The following SYNJ2 variants were observed in gnomAD, a reference collection of about 807,000 sequenced individuals.
SYNJ2 encodes polyphosphatidylinositol phosphatase SYNJ2.
In SYNJ2, 116 loss-of-function variants were observed where a neutral mutation model predicts 141.3. That is an observed-to-expected ratio of 0.82 (90% CI 0.71 to 0.96). The LOEUF is 0.96. Ranked by LOEUF, SYNJ2 falls within the 40% of genes least tolerant of loss-of-function variation. The probability of loss-of-function intolerance (pLI) is 0.00; values close to 1 mark genes in which losing one functional copy is unlikely to be tolerated. For missense variants in SYNJ2, 1,873 were observed against 1,934.8 expected (o/e 0.97, Z 0.60); for synonymous variants, 745 against 777.7 (o/e 0.96, Z 0.70).
chr6:158,094,920 G>A (rs1439282253), intron 26 of SYNJ2, among the ~76,000 whole-genome samples: 1 of 152,162 alleles, frequency 6.6e-6, no homozygotes, highest in Non-Finnish European at 1.5e-5. Context: ...GGCTGAGGCG[G>A]GTGGATCACC....
chr6:158,068,818 G>T, intron 13 of SYNJ2, 90 bp downstream of exon 13: 1 of 1,424,268 alleles, frequency 7.0e-7, no homozygotes, highest in Non-Finnish European at 9.8e-7. Flanking sequence ...CCGGGAGCCA[G>T]CCTGCTTCTG....
At chr6:158,023,163 T>C (rs576035279) in intron 2 of SYNJ2, among the ~76,000 whole-genome samples, 32 of 150,382 alleles carry the variant, frequency 2.1e-4, no homozygotes, top group African/African-American at 7.4e-4. Flanking sequence ...GAGGCTGACA[T>C]GGGAGGATCG....
intron 12 of SYNJ2, 26 bp downstream of exon 12, chr6:158,066,661 C>G: frequency 6.2e-7 from 1 of 1,609,468 alleles, no homozygotes; most frequent in East Asian, 2.2e-5. Context: ...TTGGGGGAGA[C>G]AAAATCCAAT....
intron 18 of SYNJ2, among the ~76,000 whole-genome samples, 165 bp from the exon 19 acceptor site, chr6:158,080,944 G>A (rs1236122680): frequency 3.9e-5 from 6 of 152,218 alleles, no homozygotes; most frequent in East Asian, 1.9e-4. Context: ...GGCCACATTC[G>A]CAGGTTGTTG....
intron 20 of SYNJ2, among the ~76,000 whole-genome samples, chr6:158,082,642 A>G (rs960662324): frequency 6.6e-5 from 10 of 152,174 alleles, no homozygotes; most frequent in African/African-American, 2.2e-4. Flanking sequence ...AGCCTGGGTG[A>G]CAGCGAGACC....
chr6:158,029,244 T>G, intron 3 of SYNJ2: 1 of 556,534 alleles, frequency 1.8e-6, no homozygotes, highest in South Asian at 2.8e-5. Flanking sequence ...ATGTGTTCAG[T>G]GTAGATTTGG....
At chr6:158,038,488 T>A (rs1779758588) in intron 4 of SYNJ2, among the ~76,000 whole-genome samples, 1 of 151,946 alleles carries the variant, frequency 6.6e-6, no homozygotes, top group South Asian at 2.1e-4. Context: ...CCACGGTAGC[T>A]CTTGGTTGGG....
intron 26 of SYNJ2, among the ~76,000 whole-genome samples, chr6:158,095,022 G>A (rs959322976): frequency 1.3e-4 from 20 of 152,188 alleles, no homozygotes; most frequent in South Asian, 4.2e-4. Flanking sequence ...GGTGGCAGGC[G>A]CCTGCAATCC....
chr6:158,077,881 T>C (rs1782415540), intron 17 of SYNJ2: 1 of 229,306 alleles, frequency 4.4e-6, no homozygotes, highest in African/African-American at 2.3e-5. Flanking sequence ...TCCTGGGTCC[T>C]GGAAACCCGG....
At position 158,064,662 on chromosome 6, in the gene SYNJ2, T is replaced by G. The variant is rs1344098186; in HGVS notation, c.1271T>G (p.Val424Gly). The stretch of plus-strand genomic sequence containing the variant: ...TCAAAACCCATCGTTGACCGCTTTG[T>G]GGAGTCCTTCAAAGCCATGTGGTCT... Reference protein sequence around the residue: ...LSSKPIVDRFVESFKAMWSLN... With the variant: ...LSSKPIVDRFGESFKAMWSLN... Residue 424 changes from valine (V) to glycine (G), a missense_variant, in exon 10 of 27, where the codon GTG becomes GGG. Transcript: ENST00000355585. 2 of 1,614,008 alleles carry G rather than the reference T, an allele frequency of 1.2e-6. No homozygotes were observed. Among genetic ancestry groups the G allele is most frequent in the Non-Finnish European group, 1.7e-6 (2 of 1,180,034 alleles).
intron 2 of SYNJ2, among the ~76,000 whole-genome samples, chr6:158,025,436 G>A (rs1778989539): frequency 6.6e-6 from 1 of 152,184 alleles, no homozygotes; most frequent in Admixed American, 6.5e-5. Flanking sequence ...AGCACTTTGG[G>A]AGGCTGAGGC....
rs144542416 is a variant in SYNJ2, at chr6:158,066,616, G to T, written c.1698G>T (p.Ser566=). ...TDWLLDSPQL[S]GATDSQDDSS... Reference sequence around the variant, plus strand: ...GGCTGCTCGACTCGCCCCAGCTCTCGGGAGCTACCGACTCCCAGGGTGAGG... The same window carrying T: ...GGCTGCTCGACTCGCCCCAGCTCTCTGGAGCTACCGACTCCCAGGGTGAGG... Residue 566 remains serine, a synonymous_variant, in exon 12 of 27, where the codon TCG becomes TCT. Coordinates refer to ENST00000355585, the MANE Select transcript of SYNJ2 (RefSeq NM_003898.4). The T allele has an allele frequency of 3.1e-6, 5 of 1,613,618 alleles. No homozygotes were observed. In the Admixed American group the frequency reaches 6.7e-5, roughly 22 times the overall value.
At chr6:158,068,055 G>A in intron 12 of SYNJ2, 1 of 902,396 alleles carries the variant, frequency 1.1e-6, no homozygotes, top group Non-Finnish European at 1.3e-6. Flanking sequence ...TCCCACTAGA[G>A]ATACACCAGG....
intron 2 of SYNJ2, among the ~76,000 whole-genome samples, chr6:158,023,264 TAAAA>T (rs112882268): frequency 8.0e-6 from 1 of 125,374 alleles, no homozygotes. Context: ...TCTCTAAATT[TAAAA>T]AAAAAAAAAA....
chr6:158,012,638 T>G (rs1778308806), intron 1 of SYNJ2, among the ~76,000 whole-genome samples: 1 of 152,246 alleles, frequency 6.6e-6, no homozygotes, highest in Non-Finnish European at 1.5e-5. Context: ...TGTAAGGTCA[T>G]GAGTCTGTGC....
intron 1 of SYNJ2, among the ~76,000 whole-genome samples, chr6:157,984,695 T>C (rs1023731907): frequency 1.7e-4 from 26 of 152,242 alleles, no homozygotes; most frequent in Non-Finnish European, 3.1e-4. Flanking sequence ...TGAGCCACCA[T>C]GCCTGACCCG....
chr6:158,058,583 G>A (rs1781011991), intron 6 of SYNJ2, among the ~76,000 whole-genome samples: 1 of 152,180 alleles, frequency 6.6e-6, no homozygotes, highest in Non-Finnish European at 1.5e-5. Context: ...TGAGAAGGGT[G>A]GGTACCAAGC....
chr6:158,059,553 TTTC>T, intron 7 of SYNJ2, 200 bp downstream of exon 7: 2 of 1,319,606 alleles, frequency 1.5e-6, no homozygotes, highest in Middle Eastern at 3.0e-4. Flanking sequence ...TGTAATTTCT[TTTC>T]TTTTTTTTTT....
At chr6:158,014,422 C>G (rs1778373636) in intron 1 of SYNJ2, among the ~76,000 whole-genome samples, 1 of 152,198 alleles carries the variant, frequency 6.6e-6, no homozygotes, top group South Asian at 2.1e-4. Context: ...AATGTTGCAA[C>G]CTGAGGCTTT....
Sources: gnomAD v4.1 joint callset for allele counts (sites outside exome capture counted in the v4.1 genomes callset) on GRCh38, gnomAD v4.1.1 for gene constraint, MANE v1.5 for transcripts, NCBI Gene and HGNC (gene_info 2026-07-23, HGNC 2026-07-21) for gene names.